RELN: variants seen among roughly 807,000 people sequenced by gnomAD.
RELN encodes the protein reelin.
Under a neutral mutation model 427.6 loss-of-function variants are expected in RELN, and 108 were observed. The ratio of observed to expected loss-of-function variants is 0.25; its 90% confidence interval spans 0.22 to 0.30. The LOEUF (loss-of-function observed/expected upper bound fraction) is 0.30, where lower values mean the gene tolerates loss of function less well. Among genes scored for constraint, RELN ranks in the 10% least tolerant of loss-of-function variants. RELN has a pLI of 1.00. For missense variants in RELN, 3,715 were observed against 4,302.8 expected (o/e 0.86, Z 3.82); for synonymous variants, 1,524 against 1,513.4 (o/e 1.01, Z -0.16).
At chr7:103,830,369 G>A (rs1366597466) in intron 3 of RELN, among the ~76,000 whole-genome samples, 1 of 151,768 alleles carries the variant, frequency 6.6e-6, no homozygotes, top group Non-Finnish European at 1.5e-5. Flanking sequence ...ATATCAAAAA[G>A]TCATACAGAA....
chr7:103,773,121 TTTCTTTCTTTCTTTC>T (rs1240127427), intron 4 of RELN, among the ~76,000 whole-genome samples: 1 of 80,312 alleles, frequency 1.2e-5, no homozygotes, highest in Non-Finnish European at 2.9e-5. Context: ...TCTTTCTTTC[TTTCTTTCTTTCTTTC>T]TTTCTTTCTT....
intron 4 of RELN, among the ~76,000 whole-genome samples, chr7:103,758,467 C>T: frequency 6.6e-6 from 1 of 151,688 alleles, no homozygotes; most frequent in East Asian, 1.9e-4. Flanking sequence ...TTTTTAAAAG[C>T]TTTTTTCCAG....
Position 103,498,147 on chromosome 7 carries a change from T to A in RELN, c.8773A>T (p.Thr2925Ser). ...GTGGATCCCCCAAAATAGAGTGCAG[T>A]GTCCTCGGCAAGAATTCCACACTCA... ...CTECGILAED[T>S]ALYFGGSTVR... The change falls in exon 54 of 65, where the codon ACT becomes TCT. Residue 2925 changes from threonine (T) to serine (S), a missense_variant. This residue lies in a region of RELN where 1,310 missense variants were observed against 1,643.0 expected (regional missense o/e 0.80). Coordinates refer to ENST00000428762, the MANE Select transcript of RELN (RefSeq NM_005045.4). 1 of 1,614,146 alleles carries A rather than the reference T, an allele frequency of 6.2e-7. No homozygotes were observed. The highest frequency in any genetic ancestry group is 8.5e-7 in the Non-Finnish European group (1 of 1,179,992).
At chr7:103,716,949 C>T (rs1462260420) in intron 8 of RELN, among the ~76,000 whole-genome samples, 1 of 152,082 alleles carries the variant, frequency 6.6e-6, no homozygotes, top group Non-Finnish European at 1.5e-5. Context: ...TCCTGTAGTT[C>T]ACTGCTGTAT....
At chr7:103,649,211 G>A (rs940974274) in intron 16 of RELN, among the ~76,000 whole-genome samples, 5 of 151,944 alleles carry the variant, frequency 3.3e-5, no homozygotes, top group African/African-American at 1.2e-4. Flanking sequence ...GATGATTAAA[G>A]AGTATGTCAC....
chr7:103,526,143 G>A (rs941126366), intron 46 of RELN, among the ~76,000 whole-genome samples: 3 of 152,248 alleles, frequency 2.0e-5, no homozygotes, highest in African/African-American at 7.2e-5. Flanking sequence ...TTGCCTAGCA[G>A]GTGGTTGCTT....
In RELN at chr7:103,589,848, G is replaced by T. The variant is rs775218436; in HGVS notation, c.3913-20C>A. 2 of 1,503,906 alleles carry T rather than the reference G, an allele frequency of 1.3e-6. No individual in the cohort carries two copies. The highest frequency in any genetic ancestry group is 1.1e-5 in the South Asian group (1 of 88,794). The allele number at this position is 1,503,906 out of a possible 1,614,324, so 93.2% of individuals were successfully genotyped here. A position where few individuals can be genotyped will look rare whatever the true frequency, so the allele number is the denominator to read the frequency against. On this transcript the variant is annotated intron_variant, in intron 27 of 64. Transcript: ENST00000428762. ...GTTTAGCTGTTAAAAGGAAGGACAAGAATTATACAAGATTTTGGTTCTAAG... is the reference window on the plus strand; with the variant it reads ...GTTTAGCTGTTAAAAGGAAGGACAATAATTATACAAGATTTTGGTTCTAAG...
At chr7:103,714,549 T>C (rs1465517761) in intron 8 of RELN, among the ~76,000 whole-genome samples, 1 of 152,216 alleles carries the variant, frequency 6.6e-6, no homozygotes, top group South Asian at 2.1e-4. Flanking sequence ...CGTCTGACAG[T>C]GTGTGCACAT....
chr7:103,548,545 G>A (rs1830348359), intron 41 of RELN, among the ~76,000 whole-genome samples: 1 of 152,188 alleles, frequency 6.6e-6, no homozygotes, highest in Non-Finnish European at 1.5e-5. Context: ...CACAGAAATG[G>A]TTGAAGGCAG....
At chr7:103,517,394 T>A (rs1049413036) in intron 49 of RELN, among the ~76,000 whole-genome samples, 1 of 152,196 alleles carries the variant, frequency 6.6e-6, no homozygotes, top group Non-Finnish European at 1.5e-5. Flanking sequence ...ATTTTAAAAA[T>A]CTCTGGAATG....
At chr7:103,548,497 A>G (rs555154111) in intron 41 of RELN, among the ~76,000 whole-genome samples, 1 of 152,358 alleles carries the variant, frequency 6.6e-6, no homozygotes, top group Admixed American at 6.5e-5. Context: ...TTCCTGAAAC[A>G]AGGACTAGAC....
intron 8 of RELN, among the ~76,000 whole-genome samples, chr7:103,709,771 A>C (rs1209330214): frequency 6.6e-6 from 1 of 152,262 alleles, no homozygotes; most frequent in Non-Finnish European, 1.5e-5. Flanking sequence ...AATATAAAAA[A>C]ATAAATCCAT....
intron 12 of RELN, among the ~76,000 whole-genome samples, chr7:103,657,352 A>G (rs896108983): frequency 1.3e-5 from 2 of 152,038 alleles, no homozygotes; most frequent in Non-Finnish European, 2.9e-5. Flanking sequence ...ATAGAAAACA[A>G]AACTTTTAAA....
At chr7:103,829,800 T>C (rs1458086087) in intron 3 of RELN, among the ~76,000 whole-genome samples, 1 of 152,066 alleles carries the variant, frequency 6.6e-6, no homozygotes, top group Non-Finnish European at 1.5e-5. Context: ...GCACATTATA[T>C]AATCATCTTG....
intron 40 of RELN, among the ~76,000 whole-genome samples, chr7:103,551,746 A>G (rs1200932588): frequency 6.6e-6 from 1 of 152,208 alleles, no homozygotes; most frequent in Non-Finnish European, 1.5e-5. Flanking sequence ...TCTGCAATGA[A>G]TATTCAATAT....
At chr7:103,906,878 T>C (rs1018367200) in intron 2 of RELN, among the ~76,000 whole-genome samples, 5 of 152,172 alleles carry the variant, frequency 3.3e-5, no homozygotes, top group Non-Finnish European at 4.4e-5. Flanking sequence ...GCAATTTTAA[T>C]CTTCAGAGGT....
At chr7:103,550,544 G>C (rs1418589029) in intron 41 of RELN, among the ~76,000 whole-genome samples, 1 of 150,760 alleles carries the variant, frequency 6.6e-6, no homozygotes, top group Non-Finnish European at 1.5e-5. Context: ...CAGCAGAAGA[G>C]TCAAATAAAT....
chr7:103,871,093 T>C (rs1469944488), intron 2 of RELN, among the ~76,000 whole-genome samples: 1 of 152,090 alleles, frequency 6.6e-6, no homozygotes, highest in Non-Finnish European at 1.5e-5. Flanking sequence ...ATCTATTTGG[T>C]CCAGTTTTAA....
At chr7:103,567,205 A>T (rs901742279) in intron 31 of RELN, among the ~76,000 whole-genome samples, 5 of 152,246 alleles carry the variant, frequency 3.3e-5, no homozygotes, top group African/African-American at 1.2e-4. Flanking sequence ...ATGAAATTCT[A>T]TTAAGCAGAA....
Sources: allele counts gnomAD v4.1 joint callset (sites outside exome capture counted in the v4.1 genomes callset), GRCh38; gene constraint gnomAD v4.1.1; regional missense constraint gnomAD v4.1.1; transcripts MANE v1.5; gene names NCBI Gene and HGNC (gene_info 2026-07-23, HGNC 2026-07-21).